The following KMT5B variants were observed in gnomAD, a reference collection of about 807,000 sequenced individuals.
KMT5B encodes the protein lysine methyltransferase 5B.
KMT5B carries 10 observed loss-of-function variants against 83.2 expected under a neutral mutation model. That is an observed-to-expected ratio of 0.12 (90% CI 0.07 to 0.20). The LOEUF (loss-of-function observed/expected upper bound fraction) is 0.20, where lower values mean the gene tolerates loss of function less well. KMT5B is among the 10% of genes least tolerant of loss of function. The probability of loss-of-function intolerance (pLI) is 1.00; values close to 1 mark genes in which losing one functional copy is unlikely to be tolerated. For missense variants in KMT5B, 753 were observed against 1,067.2 expected (o/e 0.71, Z 4.10); for synonymous variants, 349 against 388.8 (o/e 0.90, Z 1.20).
At chr11:68,188,145 C>T (rs966531261) in intron 2 of KMT5B, among the ~76,000 whole-genome samples, 2 of 151,722 alleles carry the variant, frequency 1.3e-5, no homozygotes, top group Non-Finnish European at 2.9e-5. Flanking sequence ...CCGCCTCAGC[C>T]TCACGAGTAG....
chr11:68,174,451 TC>T (rs1856155330), intron 5 of KMT5B, among the ~76,000 whole-genome samples: 1 of 152,198 alleles, frequency 6.6e-6, no homozygotes, highest in African/African-American at 2.4e-5. Context: ...TTAAGGGTAC[TC>T]ACTCTGTATG....
chr11:68,183,648 C>G (rs1857161217), intron 3 of KMT5B, among the ~76,000 whole-genome samples: 1 of 139,074 alleles, frequency 7.2e-6, no homozygotes, highest in African/African-American at 2.7e-5. Context: ...CATGAGCTAC[C>G]ATGCCCAGTC....
rs554506955 is a variant in KMT5B at position 68,157,241 on chromosome 11, C to T, written c.*447G>A. 1 of 152,816 alleles carries T rather than the reference C, an allele frequency of 6.5e-6. No homozygotes were observed. Among genetic ancestry groups the T allele is most frequent in the African/African-American group, 2.4e-5 (1 of 41,378 alleles). The allele number at this position is 152,816 out of a possible 1,614,324, so 9.5% of individuals were successfully genotyped here. On this transcript the variant is annotated 3_prime_UTR_variant, in exon 11 of 11. Transcript: ENST00000304363. ...AACATCTAGCAAATAAATCAAAAAG[C>T]CAAAGATCATTGCTGGTGATATTAG...
In KMT5B at chr11:68,166,985, C is replaced by T. The variant is rs772397172; in HGVS notation, c.1171G>A (p.Ala391Thr). 4 of 1,613,608 alleles carry T rather than the reference C, an allele frequency of 2.5e-6. No individual in the cohort carries two copies. In the African/African-American group the frequency reaches 5.3e-5, roughly 22 times the overall value. Residue 391 changes from alanine (A) to threonine (T), a missense_variant, in exon 10 of 11, where the codon GCA (alanine) becomes ACA (threonine). By Grantham distance (58) the Ala-to-Thr change is moderately conservative (BLOSUM62 0). Transcript: ENST00000304363. ...DADTTQEKNN[A>T]TSNRKSSVGV... ...TTATCAAATCTCCCTTACTTACTTG[C>T]ATTGTTTTTTTCCTGAGTGGTATCT...
chr11:68,157,965 C>T lies in KMT5B; in HGVS notation c.2381G>A (p.Gly794Glu). Residue 794 changes from glycine (G) to glutamate (E), a missense_variant, in exon 11 of 11, where the codon GGG (glycine) becomes GAG (glutamate). Physicochemically the swap from Gly to Glu is moderately conservative, Grantham distance 98 (BLOSUM62 -2). Transcript: ENST00000304363. The stretch of plus-strand genomic sequence containing the variant: ...GCAGCACACCCCATTTTCATGAAGC[C>T]CCTCTGTATAAGACCCCCTATTTTC... ...DEENRGSYTE[G>E]LHENGVCCSD... is the part of the protein sequence containing the mutation. 6.2e-7 allele frequency: 1 copy of T among 1,614,088 alleles called. No homozygotes were observed. The highest frequency in any genetic ancestry group is 8.5e-7 in the Non-Finnish European group (1 of 1,180,018).
At chr11:68,204,179 A>C (rs1240606372) in intron 1 of KMT5B, among the ~76,000 whole-genome samples, 1 of 152,156 alleles carries the variant, frequency 6.6e-6, no homozygotes, top group Non-Finnish European at 1.5e-5. Context: ...ACCATCACTA[A>C]GTTTTGAAAA....
rs1173002733 is a variant in KMT5B, at chr11:68,155,444, A to G, written c.*2244T>C. On this transcript the variant is annotated 3_prime_UTR_variant, in exon 11 of 11. Transcript: ENST00000304363. Reference sequence around the variant, plus strand: ...GAGGCCATGATAAAATTAAAACATCAAAAATAAGTTACTAAAATTCAGCTG... The same window carrying G: ...GAGGCCATGATAAAATTAAAACATCGAAAATAAGTTACTAAAATTCAGCTG... 1 of 152,226 alleles carries G rather than the reference A, an allele frequency of 6.6e-6. No homozygotes were observed. The highest frequency in any genetic ancestry group is 2.4e-5 in the African/African-American group (1 of 41,456). 9.4% of individuals were successfully genotyped at this position (152,226 alleles called of 1,614,324 possible).
In KMT5B at chr11:68,158,759, C is replaced by T. The variant is rs560196983; in HGVS notation, c.1587G>A (p.Gly529=). 3.1e-6 allele frequency: 5 copies of T among 1,614,168 alleles called. No homozygotes were observed. The South Asian group carries it at 3.3e-5, about 11-fold the overall frequency. ...QNPVRGAHSQ[G]ESSPCTYITR... ...TTATGTAGGTGCAGGGCGAGCTCTC[C>T]CCCTGCGAATGAGCACCTCTCACAG... Residue 529 remains glycine, a synonymous_variant, in exon 11 of 11, where the codon GGG becomes GGA. Coordinates refer to ENST00000304363, the MANE Select transcript of KMT5B (RefSeq NM_017635.5).
chr11:68,211,342 T>C (rs557318937), intron 1 of KMT5B, among the ~76,000 whole-genome samples: 32 of 152,216 alleles, frequency 2.1e-4, no homozygotes, highest in African/African-American at 7.7e-4. Flanking sequence ...GGAAAGCAGA[T>C]GAAAATAAAG....
chr11:68,186,007 C>A, intron 2 of KMT5B, 79 bp from the exon 3 acceptor site: 1 of 1,262,768 alleles, frequency 7.9e-7, no homozygotes, highest in Non-Finnish European at 1.1e-6. Context: ...GCGGCATTGC[C>A]CATTCAAGCT....
chr11:68,169,234 C>T (rs921323032), intron 9 of KMT5B, among the ~76,000 whole-genome samples: 5 of 152,206 alleles, frequency 3.3e-5, no homozygotes, highest in South Asian at 4.1e-4. Context: ...AACTAATCTG[C>T]TCAAGGAAAA....
At chr11:68,181,075 CTTT>C (rs71461690) in intron 3 of KMT5B, among the ~76,000 whole-genome samples, 2 of 143,676 alleles carry the variant, frequency 1.4e-5, no homozygotes, top group Non-Finnish European at 3.1e-5. Flanking sequence ...TTTCTTTTTT[CTTT>C]TTTTTTTTTT....
At chr11:68,166,363 G>A in intron 10 of KMT5B, 6 of 1,027,072 alleles carry the variant, frequency 5.8e-6, no homozygotes, top group Non-Finnish European at 5.8e-6. Flanking sequence ...TGGAATCTCA[G>A]AGGTTGCTTC....
At chr11:68,206,209 T>TAG (rs1860090295) in intron 1 of KMT5B, among the ~76,000 whole-genome samples, 2 of 152,250 alleles carry the variant, frequency 1.3e-5, no homozygotes, top group African/African-American at 4.8e-5. Flanking sequence ...ATTTGATCCA[T>TAG]CTGCTTACCT....
At chr11:68,207,554 A>G (rs1366839314) in intron 1 of KMT5B, among the ~76,000 whole-genome samples, 3 of 152,126 alleles carry the variant, frequency 2.0e-5, no homozygotes, top group African/African-American at 4.8e-5. Flanking sequence ...GCACTTTGGG[A>G]GGCCGAGGTG....
chr11:68,165,278 C>T (rs552592876), intron 10 of KMT5B, among the ~76,000 whole-genome samples: 9 of 152,146 alleles, frequency 5.9e-5, no homozygotes, highest in East Asian at 3.9e-4. Flanking sequence ...CAAGGCAAGG[C>T]GGATCACCTG....
chr11:68,165,959 A>C (rs765893529), intron 10 of KMT5B: 30 of 1,612,804 alleles, frequency 1.9e-5, no homozygotes, highest in Non-Finnish European at 2.4e-5. Flanking sequence ...CTGTAGTGGA[A>C]GAGAGCACCC....
At chr11:68,208,479 TG>T (rs1226822367) in intron 1 of KMT5B, among the ~76,000 whole-genome samples, 16 of 151,804 alleles carry the variant, frequency 1.1e-4, no homozygotes, top group African/African-American at 3.9e-4. Flanking sequence ...AAAACCACTG[TG>T]CCCCATATTT....
intron 1 of KMT5B, among the ~76,000 whole-genome samples, chr11:68,204,950 A>C (rs969733937): frequency 2.6e-5 from 4 of 152,108 alleles, no homozygotes; most frequent in Non-Finnish European, 5.9e-5. Flanking sequence ...AAGTTTATGG[A>C]ATTTGTTACA....
Sources: allele counts gnomAD v4.1 joint callset (sites outside exome capture counted in the v4.1 genomes callset), GRCh38; gene constraint gnomAD v4.1.1; transcripts MANE v1.5; gene names NCBI Gene and HGNC (gene_info 2026-07-23, HGNC 2026-07-21).